The following NMNAT1 variants were observed in gnomAD, a reference collection of about 807,000 sequenced individuals.
NMNAT1 encodes the protein nicotinamide nucleotide adenylyltransferase 1.
In NMNAT1, 11 loss-of-function variants were observed where a neutral mutation model predicts 16.7. The ratio of observed to expected loss-of-function variants is 0.66; its 90% CI spans 0.41 to 1.09. The LOEUF (loss-of-function observed/expected upper bound fraction) is 1.09. Among genes scored for constraint, NMNAT1 ranks in the 50% least tolerant of loss-of-function variants. NMNAT1 has a pLI of 0.00. For synonymous variants in NMNAT1, 110 were observed against 119.8 expected (o/e 0.92, Z 0.53); for missense variants, 280 against 332.3 (o/e 0.84, Z 1.22).
chr1:9,993,328 A>C, the NMNAT1 span, among the ~76,000 whole-genome samples: 1 of 151,908 alleles, frequency 6.6e-6, no homozygotes, highest in Non-Finnish European at 1.5e-5. Context: ...AAAATATAAA[A>C]ATTGGCCGGG....
At chr1:9,976,068 G>A (rs1420422716) in intron 3 of NMNAT1, among the ~76,000 whole-genome samples, 2 of 151,902 alleles carry the variant, frequency 1.3e-5, no homozygotes, top group African/African-American at 4.8e-5. Flanking sequence ...GGGTGGATCA[G>A]CTGAGGTCAG....
At chr1:9,944,082 GTCTCTACTAAAAATACAAAA>G (rs1284306493) in intron 1 of NMNAT1, among the ~76,000 whole-genome samples, 2 of 151,812 alleles carry the variant, frequency 1.3e-5, no homozygotes, top group African/African-American at 4.8e-5. Context: ...GTGAAACCCC[GTCTCTACTAAAAATACAAAA>G]AATTAGCTGG....
intron 1 of NMNAT1, among the ~76,000 whole-genome samples, chr1:9,957,581 G>A (rs1365815529): frequency 2.0e-5 from 3 of 152,156 alleles, no homozygotes; most frequent in Admixed American, 6.6e-5. Flanking sequence ...GTGAGCCACC[G>A]TGCCCAGCCC....
At chr1:9,948,411 C>CA (rs1253161277) in intron 1 of NMNAT1, among the ~76,000 whole-genome samples, 3 of 151,836 alleles carry the variant, frequency 2.0e-5, no homozygotes, top group Non-Finnish European at 4.4e-5. Context: ...CTTATCTCTA[C>CA]AAAAAAATAC....
intron 4 of NMNAT1, among the ~76,000 whole-genome samples, chr1:9,981,956 C>T (rs530268780): frequency 8.2e-4 from 125 of 152,148 alleles, no homozygotes; most frequent in Middle Eastern, 6.8e-3. Flanking sequence ...CTCTGCCTCC[C>T]GAGTTCAAGT....
chr1:9,979,249 C>G (rs981262851), intron 3 of NMNAT1, among the ~76,000 whole-genome samples: 2 of 152,040 alleles, frequency 1.3e-5, no homozygotes, highest in African/African-American at 4.8e-5. Context: ...AGGAGGATTG[C>G]TTGAGGCCAG....
At chr1:9,960,495 C>T (rs1252611937) in intron 1 of NMNAT1, among the ~76,000 whole-genome samples, 2 of 151,792 alleles carry the variant, frequency 1.3e-5, no homozygotes, top group Admixed American at 1.3e-4. Context: ...GACCCCATCT[C>T]TACCAAAAAT....
chr1:9,969,889 G>C (rs1327233548), intron 1 of NMNAT1, among the ~76,000 whole-genome samples: 1 of 152,162 alleles, frequency 6.6e-6, no homozygotes. Context: ...CTTGCCCTGT[G>C]CTCAGCATGA....
chr1:9,955,908 T>G (rs1030045800), intron 1 of NMNAT1: 13 of 152,044 alleles, frequency 8.6e-5, no homozygotes, highest in African/African-American at 3.1e-4. Flanking sequence ...GGCCTAAAAG[T>G]CAATAAACTG....
At chr1:9,956,293 C>G (rs1005155097) in intron 1 of NMNAT1, among the ~76,000 whole-genome samples, 2 of 151,796 alleles carry the variant, frequency 1.3e-5, no homozygotes, top group Non-Finnish European at 2.9e-5. Context: ...CCTCTGCCTT[C>G]CCAGTAGCTG....
intron 1 of NMNAT1, among the ~76,000 whole-genome samples, chr1:9,961,744 A>G (rs1641412868): frequency 6.6e-6 from 1 of 152,050 alleles, no homozygotes; most frequent in Admixed American, 6.6e-5. Flanking sequence ...TGATCCCACC[A>G]CTGTGCCTTC....
At chr1:9,957,338 A>T (rs1041969055) in intron 1 of NMNAT1, among the ~76,000 whole-genome samples, 43 of 117,252 alleles carry the variant, frequency 3.7e-4, no homozygotes, top group African/African-American at 1.4e-3. Context: ...CTTGTTTACC[A>T]TTTTTTTTTT....
rs1642013598 is a variant in NMNAT1 at position 9,984,471 on chromosome 1, T to A, written c.*1770T>A. 6.6e-6 allele frequency: 1 copy of A among 152,116 alleles called. No homozygotes were observed. Among genetic ancestry groups the A allele is most frequent in the East Asian group, 1.9e-4 (1 of 5,200 alleles). 9.4% of individuals were successfully genotyped at this position (152,116 alleles called of 1,614,324 possible). On this transcript the variant is annotated 3_prime_UTR_variant, in exon 5 of 5. Transcript: ENST00000377205. ...CTGTTGATGCTGCCACGTAATAGCATAATTTTGGGTGTCCTCAAGGACAGA... is the reference window on the plus strand; with the variant it reads ...CTGTTGATGCTGCCACGTAATAGCAAAATTTTGGGTGTCCTCAAGGACAGA...
chr1:9,963,370 T>C lies in NMNAT1; in HGVS notation c.-56-8648T>C, dbSNP rs1641469437. On this transcript the variant is annotated intron_variant, in intron 1 of 4. Transcript: ENST00000377205. ...GTCTTAGATGTACACAGTGAGGCAT[T>C]GCATAGCCTTAATTTCCAGATTTAT... 2.0e-5 allele frequency among the ~76,000 whole-genome samples: 3 copies of C among 152,220 alleles called. No individual in the cohort carries two copies. In the South Asian group the frequency reaches 6.2e-4, roughly 32 times the overall value.
intron 1 of NMNAT1, among the ~76,000 whole-genome samples, chr1:9,957,479 G>A (rs1302331826): frequency 2.0e-5 from 3 of 149,136 alleles, no homozygotes; most frequent in African/African-American, 7.5e-5. Context: ...GCCACCACGC[G>A]AGAGTGGGCT....
At chr1:9,986,484 C>T (rs1287845500), downstream of NMNAT1, among the ~76,000 whole-genome samples, 2 of 152,214 alleles carry the variant, frequency 1.3e-5, no homozygotes, top group East Asian at 3.9e-4. Flanking sequence ...GTAATCCCAG[C>T]ACTTTGGAAG....
intron 3 of NMNAT1, among the ~76,000 whole-genome samples, chr1:9,976,900 T>A (rs894799162): frequency 2.7e-5 from 4 of 147,952 alleles, no homozygotes; most frequent in Non-Finnish European, 5.9e-5. Flanking sequence ...ACCTAATTAT[T>A]TCTTTTCTTT....
downstream of NMNAT1, among the ~76,000 whole-genome samples, chr1:9,988,393 A>G (rs1642071859): frequency 6.6e-6 from 1 of 152,148 alleles, no homozygotes; most frequent in Admixed American, 6.6e-5. Context: ...ATCATAAGAA[A>G]GCTGCTTAAG....
Position 9,982,881 on chromosome 1 carries a change from G to A in NMNAT1, c.*180G>A. On this transcript the variant is annotated 3_prime_UTR_variant, in exon 5 of 5. Coordinates refer to ENST00000377205, the MANE Select transcript of NMNAT1 (RefSeq NM_022787.4). Reference sequence around the variant, plus strand: ...CCAGCACTTTGGGAGGCTGAGGCAGGTGGATCACGGGGTCAAGAGATCGAG... The same window carrying A: ...CCAGCACTTTGGGAGGCTGAGGCAGATGGATCACGGGGTCAAGAGATCGAG... 2 of 559,888 alleles carry A rather than the reference G, an allele frequency of 3.6e-6. No homozygotes were observed. Among genetic ancestry groups the A allele is most frequent in the Non-Finnish European group, 6.2e-6 (2 of 323,238 alleles). The allele number at this position is 559,888 out of a possible 1,614,324, so 34.7% of individuals were successfully genotyped here.
Sources: gnomAD v4.1 joint callset for allele counts (sites outside exome capture counted in the v4.1 genomes callset) on GRCh38, gnomAD v4.1.1 for gene constraint, MANE v1.5 for transcripts, NCBI Gene and HGNC (gene_info 2026-07-23, HGNC 2026-07-21) for gene names.